HDAC2: variants seen among roughly 807,000 people sequenced by gnomAD.
HDAC2 encodes the protein YY1-associated factor 1.
A neutral mutation model predicts 68.5 loss-of-function variants in HDAC2; 5 were observed. The observed-to-expected ratio is 0.07, with a 90% confidence interval of 0.04 to 0.15. HDAC2 has a LOEUF of 0.15. Among genes scored for constraint, HDAC2 ranks in the 10% least tolerant of loss-of-function variants. The pLI, the probability that HDAC2 is intolerant of heterozygous loss-of-function variation, is 1.00. For synonymous variants in HDAC2, 182 were observed against 191.3 expected, an observed-to-expected ratio of 0.95 and a Z score of 0.40; for missense variants, 291 against 600.8, an observed-to-expected ratio of 0.48 and a Z score of 5.39.
In HDAC2 at chr6:113,945,480, A is replaced by G. The variant is rs1776246061; in HGVS notation, c.983-10T>C. The G allele has an allele frequency of 8.0e-7, 1 of 1,245,530 alleles. No homozygotes were observed. Among genetic ancestry groups the G allele is most frequent in the South Asian group, 1.2e-5 (1 of 82,254 alleles). 77.2% of individuals were successfully genotyped at this position (1,245,530 alleles called of 1,614,324 possible). ...TCATTATATGGCAACTCTAATGAAAACAATAAAATAAAGTTACATATTACA... is the reference window on the plus strand; with the variant it reads ...TCATTATATGGCAACTCTAATGAAAGCAATAAAATAAAGTTACATATTACA... On this transcript the variant is annotated splice_polypyrimidine_tract_variant and intron_variant, in intron 9 of 13. Transcript: ENST00000519065.
chr6:113,947,021 T>C (rs1277225746), intron 8 of HDAC2: 1 of 152,170 alleles, frequency 6.6e-6, no homozygotes, highest in African/African-American at 2.4e-5. Flanking sequence ...CATGTAACTG[T>C]ATACTGTGGG....
chr6:113,933,205 T>G lies in HDAC2; in HGVS notation c.*7853A>C, dbSNP rs1050653608. ...CACTAAGTGATTAAAGTTAACATCA[T>G]CAGTAATGAGAGAAATTGAAATCAT... is the stretch of plus-strand genomic sequence containing the variant. On this transcript the variant is annotated 3_prime_UTR_variant, in exon 14 of 14. Coordinates refer to ENST00000519065, the MANE Select transcript of HDAC2 (RefSeq NM_001527.4). 3 of 152,228 alleles carry G rather than the reference T, an allele frequency of 2.0e-5. No homozygotes were observed. The highest frequency in any genetic ancestry group is 4.4e-5 in the Non-Finnish European group (3 of 68,036). 9.4% of individuals were successfully genotyped at this position (152,228 alleles called of 1,614,324 possible).
At position 113,961,857 on chromosome 6, in the gene HDAC2, C is replaced by A. The variant is rs545145061; in HGVS notation, c.53-1839G>T. 1.7e-3 allele frequency among the ~76,000 whole-genome samples: 260 copies of A among 152,080 alleles called. 1 individual carries two copies. Among genetic ancestry groups the A allele is most frequent in the African/African-American group, 6.1e-3 (254 of 41,492 alleles). On this transcript the variant is annotated intron_variant, in intron 1 of 13. Transcript: ENST00000519065. ...ATTCTATGAGGTTTCGTGGGATGAC[C>A]CTGCCCATAATAATTTCCAATATCA...
At chr6:113,958,064 T>A (rs1435323352) in intron 3 of HDAC2, among the ~76,000 whole-genome samples, 1 of 152,212 alleles carries the variant, frequency 6.6e-6, no homozygotes, top group Admixed American at 6.5e-5. Flanking sequence ...CAAACACTAA[T>A]GAGAATGAAC....
Position 113,936,395 on chromosome 6 carries a change from AAC to A in HDAC2, c.*4661_*4662del, listed in dbSNP as rs1775998848. ...ATTGCTCATGTAAATAGCCAATAAT[AAC>A]AATATGATAGTTCTATTTTTTCTGT... On this transcript the variant is annotated 3_prime_UTR_variant, in exon 14 of 14. Transcript: ENST00000519065. 1 of 152,168 alleles carries A rather than the reference AAC, an allele frequency of 6.6e-6. No homozygotes were observed. Among genetic ancestry groups the A allele is most frequent in the Admixed American group, 6.5e-5 (1 of 15,274 alleles). 9.4% of individuals were successfully genotyped at this position (152,168 alleles called of 1,614,324 possible). A position where few individuals can be genotyped will look rare whatever the true frequency, so the allele number is the denominator to read the frequency against.
intron 2 of HDAC2, among the ~76,000 whole-genome samples, chr6:113,959,181 TA>T (rs1213727168): frequency 1.3e-5 from 2 of 152,116 alleles, no homozygotes; most frequent in Non-Finnish European, 2.9e-5. Context: ...TTTTCTATCC[TA>T]ATCTTCCTTG....
intron 9 of HDAC2, 83 bp downstream of exon 9, chr6:113,945,925 A>G (rs1044536968): frequency 9.4e-7 from 1 of 1,065,080 alleles, no homozygotes. Flanking sequence ...TGATGGGTTT[A>G]TCAGGACCTA....
In HDAC2 at chr6:113,946,977, C is replaced by T. The variant is rs1325107727; in HGVS notation, c.842-829G>A. The T allele has an allele frequency of 2.0e-5, 3 of 152,062 alleles. No homozygotes were observed. The East Asian group carries it at 5.8e-4, about 29-fold the overall frequency. The allele number at this position is 152,062 out of a possible 1,614,324, so 9.4% of individuals were successfully genotyped here. ...CGTTTTTCTATATTTCCTTCCATTT[C>T]AGAGTTAATTTTACAAAGTTTATCT... On this transcript the variant is annotated intron_variant, in intron 8 of 13. Coordinates refer to ENST00000519065, the MANE Select transcript of HDAC2 (RefSeq NM_001527.4).
At chr6:113,955,986 A>G in intron 5 of HDAC2, 27 bp downstream of exon 5, 1 of 1,529,820 alleles carries the variant, frequency 6.5e-7, no homozygotes, top group Non-Finnish European at 8.9e-7. Flanking sequence ...TTATCACTGA[A>G]AAGAGTATCA....
At chr6:113,966,605 TA>T (rs1236798259) in intron 1 of HDAC2, among the ~76,000 whole-genome samples, 56 of 142,992 alleles carry the variant, frequency 3.9e-4, no homozygotes, top group African/African-American at 1.0e-3. Flanking sequence ...CATCACTAAT[TA>T]AAAAAAAAAG....
At chr6:113,970,451 G>T in intron 1 of HDAC2, 1 of 1,059,342 alleles carries the variant, frequency 9.4e-7, no homozygotes, top group Non-Finnish European at 1.1e-6. Context: ...GGTCGAGGGG[G>T]TAGGAGGCCG....
At chr6:113,949,413 A>G in intron 6 of HDAC2, 153 bp from the exon 7 acceptor site, 2 of 619,114 alleles carry the variant, frequency 3.2e-6, no homozygotes, top group South Asian at 2.1e-5. Context: ...TCAAACTGAG[A>G]AAGGAAATAA....
At chr6:113,962,818 G>A (rs928226156) in intron 1 of HDAC2, among the ~76,000 whole-genome samples, 12 of 150,902 alleles carry the variant, frequency 8.0e-5, no homozygotes, top group African/African-American at 2.9e-4. Context: ...AAAAAAAAAA[G>A]CCAGGTGTGG....
At chr6:113,958,432 G>T in intron 3 of HDAC2, 1 of 405,420 alleles carries the variant, frequency 2.5e-6, no homozygotes, top group Non-Finnish European at 4.4e-6. Flanking sequence ...AGGAGTAGAA[G>T]AATACCCAAA....
intron 1 of HDAC2, among the ~76,000 whole-genome samples, chr6:113,963,334 T>C (rs1776735406): frequency 6.6e-6 from 1 of 152,166 alleles, no homozygotes; most frequent in Non-Finnish European, 1.5e-5. Flanking sequence ...TCTGCCCGCC[T>C]CAGCCTCCCA....
intron 1 of HDAC2, among the ~76,000 whole-genome samples, chr6:113,965,880 T>C (rs1034661866): frequency 2.6e-5 from 4 of 152,220 alleles, no homozygotes; most frequent in African/African-American, 9.6e-5. Context: ...TTAGACTTGA[T>C]TTGAATTCTT....
rs1257468664 is a variant in HDAC2 at position 113,937,495 on chromosome 6, T to C, written c.*3563A>G. On this transcript the variant is annotated 3_prime_UTR_variant, in exon 14 of 14. Coordinates refer to ENST00000519065, the MANE Select transcript of HDAC2 (RefSeq NM_001527.4). The stretch of plus-strand genomic sequence containing the variant: ...CTTCATTAAATGAATTAAAGAGCTT[T>C]ACTTGAGTTAATATCTTAGTTTACC... 1 of 152,250 alleles carries C rather than the reference T, an allele frequency of 6.6e-6. No homozygotes were observed. The allele number at this position is 152,250 out of a possible 1,614,324, so 9.4% of individuals were successfully genotyped here.
chr6:113,957,235 T>C (rs1460643784), intron 3 of HDAC2: 1 of 153,474 alleles, frequency 6.5e-6, no homozygotes, highest in Non-Finnish European at 1.5e-5. Flanking sequence ...AGCCAAAACA[T>C]AGGATACTAA....
chr6:113,957,324 G>C (rs1383033978), intron 3 of HDAC2: 1 of 152,306 alleles, frequency 6.6e-6, no homozygotes, highest in African/African-American at 2.4e-5. Context: ...GGATATGGCA[G>C]ATGTATGTAA....
Sources: gnomAD v4.1 joint callset for allele counts (sites outside exome capture counted in the v4.1 genomes callset) on GRCh38, gnomAD v4.1.1 for gene constraint, MANE v1.5 for transcripts, NCBI Gene and HGNC (gene_info 2026-07-23, HGNC 2026-07-21) for gene names.